Variants in MTUS2 observed in about 807,000 individuals in gnomAD.
MTUS2 encodes the protein microtubule associated scaffold protein 2.
In MTUS2, 40 loss-of-function variants were observed where a neutral mutation model predicts 114.1. The observed-to-expected ratio is 0.35, with a 90% CI of 0.27 to 0.46. The LOEUF (loss-of-function observed/expected upper bound fraction) is 0.46, where lower values mean the gene tolerates loss of function less well. Ranked by LOEUF, MTUS2 falls within the 20% of genes least tolerant of loss-of-function variation. MTUS2 has a pLI of 1.00. For synonymous variants in MTUS2, 688 were observed against 672.0 expected (o/e 1.02, Z -0.37); for missense variants, 1,679 against 1,705.4 (o/e 0.98, Z 0.27).
intron 4 of MTUS2, among the ~76,000 whole-genome samples, chr13:29,045,046 A>G (rs1177462760): frequency 6.6e-6 from 1 of 152,166 alleles, no homozygotes; most frequent in Non-Finnish European, 1.5e-5. Context: ...CAAATCTCTG[A>G]CATGCTCCTC....
intron 6 of MTUS2, among the ~76,000 whole-genome samples, chr13:29,321,768 C>G (rs949209184): frequency 2.0e-5 from 3 of 152,104 alleles, no homozygotes; most frequent in African/African-American, 7.2e-5. Flanking sequence ...CTCCTAAATC[C>G]TACTGATTAG....
chr13:28,832,143 T>C (rs1874731515), intron 1 of MTUS2, among the ~76,000 whole-genome samples: 1 of 152,186 alleles, frequency 6.6e-6, no homozygotes, highest in Admixed American at 6.5e-5. Context: ...ATAAAAGGCT[T>C]GAGCAACTTT....
chr13:29,118,110 G>C (rs1187863870), intron 5 of MTUS2, among the ~76,000 whole-genome samples: 1 of 152,082 alleles, frequency 6.6e-6, no homozygotes, highest in African/African-American at 2.4e-5. Flanking sequence ...CCTGGAGCCT[G>C]GTTTCTCACC....
intron 4 of MTUS2, among the ~76,000 whole-genome samples, chr13:29,085,193 T>C (rs984558536): frequency 1.3e-5 from 2 of 152,116 alleles, no homozygotes; most frequent in African/African-American, 4.8e-5. Context: ...AAGCAGAGGG[T>C]GATACCATGT....
intron 5 of MTUS2, among the ~76,000 whole-genome samples, chr13:29,127,902 G>A (rs1200841402): frequency 6.6e-6 from 1 of 152,168 alleles, no homozygotes; most frequent in Non-Finnish European, 1.5e-5. Context: ...AATTTTGGGG[G>A]TATGGCACAT....
intron 4 of MTUS2, among the ~76,000 whole-genome samples, chr13:29,093,074 A>G (rs957808399): frequency 1.3e-5 from 2 of 152,136 alleles, no homozygotes; most frequent in Non-Finnish European, 2.9e-5. Flanking sequence ...GCTTTCCCCG[A>G]TATGGGGCCA....
chr13:29,369,507 A>C (rs2138290449), intron 8 of MTUS2, among the ~76,000 whole-genome samples: 1 of 152,334 alleles, frequency 6.6e-6, no homozygotes, highest in East Asian at 1.9e-4. Context: ...CACACAGCTC[A>C]GCTCCTTTCA....
At chr13:29,401,856 AAAC>A (rs1269849247) in intron 8 of MTUS2, among the ~76,000 whole-genome samples, 1 of 152,198 alleles carries the variant, frequency 6.6e-6, no homozygotes, top group African/African-American at 2.4e-5. Context: ...TGAAGTGTGA[AAAC>A]AACCTGTCAA....
In MTUS2 at chr13:29,503,258, C is replaced by T. The variant is rs1310763113; in HGVS notation, c.*52C>T. The T allele has an allele frequency of 1.3e-6, 2 of 1,596,370 alleles. No individual in the cohort carries two copies. The highest frequency in any genetic ancestry group is 1.7e-6 in the Non-Finnish European group (2 of 1,170,602). On this transcript the variant is annotated 3_prime_UTR_variant, in exon 16 of 16. Coordinates refer to ENST00000612955, the MANE Select transcript of MTUS2 (RefSeq NM_001033602.4). ...CGGCTTCTCGTCCTCCGGTCTCCAC[C>T]CTGAGGGAGCACCGACCCGGTGCCG...
rs1307917635 is a variant in MTUS2, at chr13:29,024,939, C to A, written c.241C>A (p.Leu81Ile). The change falls in exon 3 of 16, where the codon CTT becomes ATT. Residue 81 changes from leucine (L) to isoleucine (I), a missense_variant. Leu to Ile is a conservative substitution (Grantham distance 5). Transcript: ENST00000612955. Reference sequence around the variant, plus strand: ...CCATTTCCATAAGGAATTTCACCAACTTCAGGGCTTTGGGAAAGGCTCTCA... The same window carrying A: ...CCATTTCCATAAGGAATTTCACCAAATTCAGGGCTTTGGGAAAGGCTCTCA... ...RTHFHKEFHQ[L>I]QGFGKGSQAG... 1.2e-6 allele frequency: 2 copies of A among 1,613,814 alleles called. No individual in the cohort carries two copies. Among genetic ancestry groups the A allele is most frequent in the Admixed American group, 1.7e-5 (1 of 59,970 alleles).
rs1036818295 is a variant in MTUS2 at position 29,265,538 on chromosome 13, T to C, written c.2645-16166T>C. ...GTGTTAGATTATTCTTGTATAACCA[T>C]GAAGAAATACTGGAGACTGGGTAAT... On this transcript the variant is annotated intron_variant, in intron 5 of 15. Transcript: ENST00000612955. Among the ~76,000 whole-genome samples the C allele has an allele frequency of 1.8e-4, 28 of 152,162 alleles. 1 individual carries two copies. The highest frequency in any genetic ancestry group is 3.1e-4 in the Non-Finnish European group (21 of 68,028).
chr13:28,929,021 T>C (rs1881475245), intron 2 of MTUS2, among the ~76,000 whole-genome samples: 1 of 152,134 alleles, frequency 6.6e-6, no homozygotes, highest in South Asian at 2.1e-4. Context: ...AGCAACATGG[T>C]TGGAACTGGA....
chr13:29,063,317 TA>T (rs1238634554), intron 4 of MTUS2, among the ~76,000 whole-genome samples: 1 of 152,198 alleles, frequency 6.6e-6, no homozygotes, highest in East Asian at 1.9e-4. Flanking sequence ...GCAACTAAAA[TA>T]AATATACCCA....
chr13:29,359,594 A>T, intron 8 of MTUS2, 121 bp downstream of exon 8: 1 of 1,128,166 alleles, frequency 8.9e-7, no homozygotes, highest in South Asian at 1.6e-5. Context: ...TGGAGTTTGG[A>T]TTTTCAGGAG....
intron 2 of MTUS2, among the ~76,000 whole-genome samples, chr13:28,968,644 T>A (rs1056628674): frequency 6.6e-6 from 1 of 152,150 alleles, no homozygotes; most frequent in South Asian, 2.1e-4. Flanking sequence ...AATAAAAAAA[T>A]TTTCATGTCC....
chr13:29,017,860 G>A (rs755013748), intron 2 of MTUS2, among the ~76,000 whole-genome samples: 14 of 152,266 alleles, frequency 9.2e-5, no homozygotes, highest in Admixed American at 1.3e-4. Flanking sequence ...TCAGCCTAGC[G>A]AGCTCATAAT....
At chr13:29,291,583 A>G (rs1240185196) in intron 6 of MTUS2, among the ~76,000 whole-genome samples, 1 of 152,210 alleles carries the variant, frequency 6.6e-6, no homozygotes, top group Admixed American at 6.5e-5. Flanking sequence ...TGCCTTTTCC[A>G]GCCTTTGAGC....
At chr13:28,892,844 G>A (rs192533924) in intron 2 of MTUS2, among the ~76,000 whole-genome samples, 7 of 152,334 alleles carry the variant, frequency 4.6e-5, no homozygotes, top group African/African-American at 1.2e-4. Context: ...CAAGCCACAG[G>A]AGAAAACCTG....
chr13:28,987,241 A>G (rs1014229416), intron 2 of MTUS2, among the ~76,000 whole-genome samples: 2 of 152,104 alleles, frequency 1.3e-5, no homozygotes, highest in Admixed American at 6.6e-5. Flanking sequence ...GCAAGAGGCA[A>G]CCCTGGGTGA....
Sources: gnomAD v4.1 joint callset for allele counts (sites outside exome capture counted in the v4.1 genomes callset) on GRCh38, gnomAD v4.1.1 for gene constraint, MANE v1.5 for transcripts, NCBI Gene and HGNC (gene_info 2026-07-23, HGNC 2026-07-21) for gene names.